Variants in GAREM2 observed in about 807,000 individuals in gnomAD.
GAREM2 encodes GRB2-associated and regulator of MAPK protein 2.
A neutral mutation model predicts 55.6 loss-of-function variants in GAREM2; 30 were observed. That is an observed-to-expected ratio of 0.54 (90% CI 0.40 to 0.73). GAREM2 has a LOEUF of 0.73. GAREM2 is among the 30% of genes least tolerant of loss of function. The probability of loss-of-function intolerance (pLI) is 0.00; values close to 1 mark genes in which losing one functional copy is unlikely to be tolerated. For synonymous variants in GAREM2, 550 were observed against 569.1 expected, an observed-to-expected ratio of 0.97 and a Z score of 0.48; for missense variants, 1,075 against 1,257.7, an observed-to-expected ratio of 0.85 and a Z score of 2.20.
the GAREM2 span, chr2:26,204,094 C>A: frequency 3.1e-6 from 5 of 1,613,762 alleles, no homozygotes; most frequent in Admixed American, 3.3e-5. Context: ...CTCGGTCTAG[C>A]GCAGTGAGGG....
rs1296926018 is a variant in GAREM2 at position 26,173,115 on chromosome 2, G to T, written c.-106G>T. 2 of 186,774 alleles carry T rather than the reference G, an allele frequency of 1.1e-5. No individual in the cohort carries two copies. Among genetic ancestry groups the T allele is most frequent in the Non-Finnish European group, 1.9e-5 (2 of 102,910 alleles). The allele number at this position is 186,774 out of a possible 1,614,324, so 11.6% of individuals were successfully genotyped here. ...CCGCGGCCCGGCGGGGCTGCCAGGC[G>T]GCGAGCGCCGCGGCGGCCCCGGGAG... On this transcript the variant is annotated 5_prime_UTR_variant, in exon 1 of 6. Transcript: ENST00000401533.
At chr2:26,184,211 G>A (rs1413940645) in intron 3 of GAREM2, 22 bp from the exon 4 acceptor site, 6 of 1,547,910 alleles carry the variant, frequency 3.9e-6, no homozygotes, top group Non-Finnish European at 5.2e-6. Flanking sequence ...CTAAGGCCCT[G>A]CCCTGTCTCT....
At chr2:26,191,548 A>G, downstream of GAREM2, 2 of 1,614,192 alleles carry the variant, frequency 1.2e-6, no homozygotes, top group Non-Finnish European at 1.7e-6. Context: ...AGGTGTGGCC[A>G]AGATCCCCTC....
At chr2:26,195,042 C>G in the GAREM2 span, 1 of 1,450,390 alleles carries the variant, frequency 6.9e-7, no homozygotes, top group African/African-American at 1.4e-5. Context: ...TAAAAGGAGT[C>G]TTATTAGAAC....
chr2:26,186,286 G>T lies in GAREM2; in HGVS notation c.1526G>T (p.Arg509Leu). The change falls in exon 5 of 6, where the codon CGC becomes CTC. Residue 509 changes from arginine to leucine, a missense_variant. By Grantham distance (102) the Arg-to-Leu change is moderately radical (BLOSUM62 -2). Around this residue, in one of 6 missense-constraint regions of GAREM2, gnomAD observed 515 missense variants for 501.5 expected, o/e 1.03. Transcript: ENST00000401533. ...RLSSSPPVPP[R>L]FPKLQPVHSP... ...TCCAGCAGCCCCCCGGTTCCCCCTC[G>T]CTTCCCCAAGCTGCAGCCGGTACAT... The T allele has an allele frequency of 6.4e-7, 1 of 1,551,144 alleles. No homozygotes were observed.
intron 2 of GAREM2, among the ~76,000 whole-genome samples, chr2:26,176,814 G>T (rs1668879979): frequency 6.6e-6 from 1 of 152,116 alleles, no homozygotes. Context: ...AGCCATCTTT[G>T]TGCAGACCCT....
intron 1 of GAREM2, 53 bp from the exon 2 acceptor site, chr2:26,176,291 T>A: frequency 6.9e-7 from 1 of 1,454,408 alleles, no homozygotes; most frequent in South Asian, 1.4e-5. Context: ...TTCTGCCCCT[T>A]CTAATGTCCT....
chr2:26,196,098 T>C, the GAREM2 span, among the ~76,000 whole-genome samples: 1 of 152,256 alleles, frequency 6.6e-6, no homozygotes. Context: ...TTACCACTTA[T>C]TCCTTACATT....
chr2:26,173,778 C>T (rs1188000544), intron 1 of GAREM2, among the ~76,000 whole-genome samples: 1 of 152,222 alleles, frequency 6.6e-6, no homozygotes, highest in Non-Finnish European at 1.5e-5. Flanking sequence ...CCTGCTCCGC[C>T]CCTCTGGGGA....
chr2:26,183,144 C>T (rs1426687803), intron 3 of GAREM2, 47 bp downstream of exon 3: 1 of 1,541,534 alleles, frequency 6.5e-7, no homozygotes, highest in African/African-American at 1.4e-5. Context: ...CTACTCCTTG[C>T]CTCAGGGGCA....
rs1181373812 is a variant in GAREM2 at position 26,185,045 on chromosome 2, G to A, written c.1197G>A (p.Pro399=). ...GLARAPGPLA[P]APAGEGDQEY... ...CCCGCGCCCCCGGCCCGCTAGCGCC[G>A]GCTCCCGCCGGCGAGGGCGACCAGG... Residue 399 remains proline, a synonymous_variant, in exon 4 of 6, where the codon CCG becomes CCA. Coordinates refer to ENST00000401533, the MANE Select transcript of GAREM2 (RefSeq NM_001168241.2). 2 of 1,209,146 alleles carry A rather than the reference G, an allele frequency of 1.7e-6. No homozygotes were observed. The highest frequency in any genetic ancestry group is 4.5e-5 in the Admixed American group (1 of 22,144). 74.9% of individuals were successfully genotyped at this position (1,209,146 alleles called of 1,614,324 possible).
At chr2:26,174,087 A>G (rs1428093776) in intron 1 of GAREM2, among the ~76,000 whole-genome samples, 4 of 152,052 alleles carry the variant, frequency 2.6e-5, no homozygotes, top group East Asian at 1.9e-4. Flanking sequence ...CGGGGCTGGC[A>G]GCCAGGCCGG....
chr2:26,185,646 T>TC (rs1196372460), intron 4 of GAREM2, among the ~76,000 whole-genome samples: 2 of 152,132 alleles, frequency 1.3e-5, no homozygotes, highest in Non-Finnish European at 2.9e-5. Context: ...CAGCCCTTTT[T>TC]CCCTCCTCAT....
rs1669372807 is a variant in GAREM2, at chr2:26,188,513, GTAAGGCATTTGCCGTGA to G, written c.*258_*274del. The G allele has an allele frequency of 2.7e-6, 1 of 371,890 alleles. No homozygotes were observed. The highest frequency in any genetic ancestry group is 4.8e-6 in the Non-Finnish European group (1 of 209,300). 23.0% of individuals were successfully genotyped at this position (371,890 alleles called of 1,614,324 possible). A position where few individuals can be genotyped will look rare whatever the true frequency, so the allele number is the denominator to read the frequency against. On this transcript the variant is annotated 3_prime_UTR_variant, in exon 6 of 6. Coordinates refer to ENST00000401533, the MANE Select transcript of GAREM2 (RefSeq NM_001168241.2). The stretch of plus-strand genomic sequence containing the variant: ...GGGCACCACTGTGTACCTGGGCCCA[GTAAGGCATTTGCCGTGA>G]TTCCCACAACGGGGTCAAAAGCTGG...
chr2:26,180,151 T>C (rs1668997736), intron 2 of GAREM2, among the ~76,000 whole-genome samples: 1 of 152,170 alleles, frequency 6.6e-6, no homozygotes, highest in African/African-American at 2.4e-5. Context: ...GCCAGCGTTC[T>C]CCTAGTCATT....
the GAREM2 span, chr2:26,194,958 T>G: frequency 1.2e-6 from 1 of 856,240 alleles, no homozygotes; most frequent in Non-Finnish European, 2.0e-6. Context: ...CCGTCCATCC[T>G]GGAGACAACC....
chr2:26,185,684 A>G (rs1295697982), intron 4 of GAREM2, among the ~76,000 whole-genome samples: 3 of 152,212 alleles, frequency 2.0e-5, no homozygotes, highest in Non-Finnish European at 4.4e-5. Context: ...TTGGTAGATT[A>G]AAGGCTCTGA....
At position 26,188,137 on chromosome 2, in the gene GAREM2, C is replaced by T. The variant is rs577637341; in HGVS notation, c.2505C>T (p.Arg835=). Residue 835 remains arginine (R), a synonymous_variant, in exon 6 of 6, where the codon CGC becomes CGT. Transcript: ENST00000401533. ...EDVVSFFARE[R]IDGSIFVQLS... ...TGGTGAGCTTCTTTGCCCGAGAACG[C>T]ATCGATGGTAGCATCTTTGTGCAGC... 4 of 1,551,422 alleles carry T rather than the reference C, an allele frequency of 2.6e-6. No homozygotes were observed. In the South Asian group the frequency reaches 3.6e-5, roughly 14 times the overall value.
chr2:26,197,315 T>C, the GAREM2 span, among the ~76,000 whole-genome samples: 1 of 152,154 alleles, frequency 6.6e-6, no homozygotes, highest in African/African-American at 2.4e-5. Context: ...ATTCCTGCCA[T>C]TCCCTGATCT....
Sources: gnomAD v4.1 joint callset for allele counts (sites outside exome capture counted in the v4.1 genomes callset) on GRCh38, gnomAD v4.1.1 for gene constraint, gnomAD v4.1.1 regional missense constraint, MANE v1.5 for transcripts, NCBI Gene and HGNC (gene_info 2026-07-23, HGNC 2026-07-21) for gene names.